The following PTPRD variants were observed in gnomAD, a reference collection of about 807,000 sequenced individuals.
The protein encoded by PTPRD is protein tyrosine phosphatase receptor type D.
A neutral mutation model predicts 214.5 loss-of-function variants in PTPRD; 34 were observed. That is an observed-to-expected ratio of 0.16 (90% confidence interval 0.12 to 0.21). The LOEUF (loss-of-function observed/expected upper bound fraction) is 0.21, where lower values mean the gene tolerates loss of function less well. Ranked by LOEUF, PTPRD falls within the 10% of genes least tolerant of loss-of-function variation. The pLI is 1.00. For synonymous variants in PTPRD, 1,128 were observed against 845.7 expected, an observed-to-expected ratio of 1.33 and a Z score of -5.79; for missense variants, 2,545 against 2,398.7, an observed-to-expected ratio of 1.06 and a Z score of -1.27.
At chr9:10,236,449 A>G (rs2099629198) in intron 3 of PTPRD, among the ~76,000 whole-genome samples, 1 of 151,914 alleles carries the variant, frequency 6.6e-6, no homozygotes, top group Non-Finnish European at 1.5e-5. Context: ...CATCAATTCC[A>G]TGTTATCCCA....
At chr9:9,298,205 G>C (rs900774870) in intron 9 of PTPRD, among the ~76,000 whole-genome samples, 1 of 151,556 alleles carries the variant, frequency 6.6e-6, no homozygotes, top group East Asian at 1.9e-4. Context: ...TTAACCTAAA[G>C]GTTTCAGAAA....
intron 5 of PTPRD, among the ~76,000 whole-genome samples, chr9:9,800,011 T>C (rs1293072688): frequency 6.6e-6 from 1 of 152,182 alleles, no homozygotes; most frequent in African/African-American, 2.4e-5. Flanking sequence ...TACAGGTGGA[T>C]GAGCCACTTG....
intron 7 of PTPRD, among the ~76,000 whole-genome samples, chr9:9,579,738 T>C (rs1011689047): frequency 3.9e-5 from 6 of 152,146 alleles, no homozygotes; most frequent in African/African-American, 1.4e-4. Context: ...GGTATAAGTA[T>C]AATTTGGTTA....
intron 2 of PTPRD, among the ~76,000 whole-genome samples, chr9:10,348,305 C>G (rs2097124908): frequency 6.6e-6 from 1 of 152,058 alleles, no homozygotes; most frequent in South Asian, 2.1e-4. Flanking sequence ...TCTACTTTCT[C>G]AATATGAAAT....
rs151023755 is a variant in PTPRD at position 10,470,319 on chromosome 9, G to C, written c.-599-129302C>G. On this transcript the variant is annotated intron_variant, in intron 2 of 45. Transcript: ENST00000381196. Reference sequence around the variant, plus strand: ...AGGGAACAGTGAAGACTCAAAAATAGCAATATAAGATGTATCTTATGTGAA... The same window carrying C: ...AGGGAACAGTGAAGACTCAAAAATACCAATATAAGATGTATCTTATGTGAA... 4.4e-3 allele frequency among the ~76,000 whole-genome samples: 670 copies of C among 152,036 alleles called. 4 individuals are homozygous for C. The highest frequency in any genetic ancestry group is 0.015 in the African/African-American group (639 of 41,470).
chr9:9,916,422 G>A (rs1205766753), intron 5 of PTPRD, among the ~76,000 whole-genome samples: 1 of 151,880 alleles, frequency 6.6e-6, no homozygotes, highest in East Asian at 1.9e-4. Flanking sequence ...TCAAATGATA[G>A]GTGTACGTCC....
chr9:9,456,133 A>G (rs2092964992), intron 8 of PTPRD, among the ~76,000 whole-genome samples: 1 of 151,880 alleles, frequency 6.6e-6, no homozygotes, highest in African/African-American at 2.4e-5. Context: ...CAAATCCAAC[A>G]CATAGAATAT....
At chr9:9,491,179 T>C (rs1339179447) in intron 8 of PTPRD, among the ~76,000 whole-genome samples, 1 of 151,880 alleles carries the variant, frequency 6.6e-6, no homozygotes, top group African/African-American at 2.4e-5. Context: ...AAACAGATTT[T>C]AAATCAAACA....
chr9:10,161,009 C>T (rs1425722877), intron 3 of PTPRD, among the ~76,000 whole-genome samples: 1 of 151,610 alleles, frequency 6.6e-6, no homozygotes, highest in Non-Finnish European at 1.5e-5. Context: ...ATCAATTTAA[C>T]CAAAGATATA....
intron 3 of PTPRD, among the ~76,000 whole-genome samples, chr9:10,286,967 A>G (rs901982988): frequency 3.9e-5 from 6 of 152,284 alleles, no homozygotes; most frequent in African/African-American, 1.4e-4. Flanking sequence ...TGGTAGAGAA[A>G]CTAGAATGTA....
At chr9:8,488,819 T>C (rs1363527570) in intron 27 of PTPRD, among the ~76,000 whole-genome samples, 2 of 152,164 alleles carry the variant, frequency 1.3e-5, no homozygotes, top group South Asian at 2.1e-4. Flanking sequence ...CATGGTGAAA[T>C]AGAGCTTTCA....
chr9:8,593,788 T>C (rs979959187), intron 14 of PTPRD, among the ~76,000 whole-genome samples: 6 of 152,192 alleles, frequency 3.9e-5, no homozygotes, highest in African/African-American at 1.4e-4. Flanking sequence ...ATGATGATCA[T>C]AGCACCCTTG....
rs1555219362 is a variant in PTPRD, at chr9:8,726,022, GACAGACAC to G, written c.64+7750_64+7757del. Among the ~76,000 whole-genome samples the G allele has an allele frequency of 5.7e-4, 80 of 140,144 alleles. 1 individual carries two copies. The highest frequency in any genetic ancestry group is 2.0e-3 in the African/African-American group (72 of 35,808). The allele number at this position is 140,144 out of a possible 152,430, so 91.9% of individuals were successfully genotyped here. ...TTTCCACATAGCAGACAGACAGACA[GACAGACAC>G]ACACACACACACACACACACACACA... On this transcript the variant is annotated intron_variant, in intron 12 of 45. Transcript: ENST00000381196.
At chr9:9,512,894 C>A (rs1450652226) in intron 8 of PTPRD, among the ~76,000 whole-genome samples, 2 of 150,420 alleles carry the variant, frequency 1.3e-5, no homozygotes, top group Non-Finnish European at 3.0e-5. Context: ...CAATAATAAT[C>A]ACGAGTAATC....
chr9:10,165,474 A>G (rs537110518), intron 3 of PTPRD, among the ~76,000 whole-genome samples: 4 of 151,984 alleles, frequency 2.6e-5, no homozygotes, highest in African/African-American at 7.2e-5. Flanking sequence ...TGTCAAACGT[A>G]GAAAAAATAT....
At chr9:8,609,840 C>T (rs991102275) in intron 14 of PTPRD, among the ~76,000 whole-genome samples, 3 of 151,972 alleles carry the variant, frequency 2.0e-5, no homozygotes, top group Admixed American at 1.3e-4. Context: ...TCCTTTTAAC[C>T]GTATTTTTTC....
intron 14 of PTPRD, among the ~76,000 whole-genome samples, chr9:8,538,730 T>A (rs1593124817): frequency 6.6e-6 from 1 of 151,778 alleles, no homozygotes; most frequent in African/African-American, 2.4e-5. Context: ...ATACATTCTT[T>A]ATATAAACTT....
chr9:9,421,675 G>A (rs2078856728), intron 8 of PTPRD, among the ~76,000 whole-genome samples: 3 of 152,020 alleles, frequency 2.0e-5, no homozygotes, highest in Admixed American at 1.3e-4. Context: ...CACTGAACTG[G>A]CCAAAGGTGA....
At chr9:9,863,365 G>T (rs4742631) in intron 5 of PTPRD, among the ~76,000 whole-genome samples, 145,593 of 152,260 alleles carry the variant, frequency 0.96, 69,966 homozygotes, top group East Asian at 1. Context: ...CTCGACACCC[G>T]ACAGTCATAT....
Sources: allele counts gnomAD v4.1 joint callset (sites outside exome capture counted in the v4.1 genomes callset), GRCh38; gene constraint gnomAD v4.1.1; transcripts MANE v1.5; gene names NCBI Gene and HGNC (gene_info 2026-07-23, HGNC 2026-07-21).